ATAD2B: variants seen among roughly 807,000 people sequenced by gnomAD.
ATAD2B encodes the protein ATPase family AAA domain containing 2B, also known as ATPase family AAA domain-containing protein 2B.
A neutral mutation model predicts 167.6 loss-of-function variants in ATAD2B; 40 were observed. The ratio of observed to expected loss-of-function variants is 0.24; its 90% CI spans 0.19 to 0.31. ATAD2B has a LOEUF of 0.31. Among genes scored for constraint, ATAD2B ranks in the 10% least tolerant of loss-of-function variants. The probability of loss-of-function intolerance (pLI) is 1.00; values close to 1 mark genes in which losing one functional copy is unlikely to be tolerated. For synonymous variants in ATAD2B, 579 were observed against 596.5 expected (o/e 0.97, Z 0.43); for missense variants, 1,242 against 1,757.2 (o/e 0.71, Z 5.24).
At chr2:23,834,489 C>G (rs1689607152) in intron 13 of ATAD2B, among the ~76,000 whole-genome samples, 1 of 151,824 alleles carries the variant, frequency 6.6e-6, no homozygotes, top group African/African-American at 2.4e-5. Flanking sequence ...AACAAAATAA[C>G]TGTAGCATGA....
chr2:23,780,165 T>C (rs1292622477), intron 22 of ATAD2B, among the ~76,000 whole-genome samples: 5 of 151,968 alleles, frequency 3.3e-5, no homozygotes, highest in Non-Finnish European at 7.4e-5. Context: ...GGAGGATTGC[T>C]TGAGCCCAGG....
At chr2:23,909,763 C>T (rs888353288) in intron 1 of ATAD2B, among the ~76,000 whole-genome samples, 1 of 151,888 alleles carries the variant, frequency 6.6e-6, no homozygotes, top group Non-Finnish European at 1.5e-5. Flanking sequence ...TAAAACAAAA[C>T]AAAGTAATAC....
chr2:23,725,538 A>G, the ATAD2B span, among the ~76,000 whole-genome samples: 1 of 152,240 alleles, frequency 6.6e-6, no homozygotes, highest in African/African-American at 2.4e-5. Flanking sequence ...AGATTTCCAT[A>G]TATTACTTAA....
Position 23,758,042 on chromosome 2 carries a change from T to C in ATAD2B, c.3454A>G (p.Arg1152Gly). ...SQWGKGIIKK[R>G]KVNNLKKDEE... Reference sequence around the variant, plus strand: ...TCTTTTTTTAAATTATTAACTTTCCTTTTCTTAATAATTCCTTTACCCCAC... The same window carrying C: ...TCTTTTTTTAAATTATTAACTTTCCCTTTCTTAATAATTCCTTTACCCCAC... The change falls in exon 25 of 28, where the codon AGG becomes GGG. Residue 1152 changes from arginine to glycine, a missense_variant. By Grantham distance (125) the Arg-to-Gly change is moderately radical. Coordinates refer to ENST00000238789, the MANE Select transcript of ATAD2B (RefSeq NM_017552.4). The C allele has an allele frequency of 6.2e-7, 1 of 1,607,106 alleles. No individual in the cohort carries two copies. Among genetic ancestry groups the C allele is most frequent in the Non-Finnish European group, 8.5e-7 (1 of 1,178,488 alleles).
intron 1 of ATAD2B, among the ~76,000 whole-genome samples, chr2:23,899,804 TG>T (rs1447660265): frequency 1.3e-5 from 2 of 151,758 alleles, no homozygotes; most frequent in Non-Finnish European, 2.9e-5. Context: ...TTGGCCAGGC[TG>T]GTCTTGAACT....
At chr2:23,791,857 T>C (rs1161369261) in intron 19 of ATAD2B, among the ~76,000 whole-genome samples, 1 of 152,218 alleles carries the variant, frequency 6.6e-6, no homozygotes, top group Non-Finnish European at 1.5e-5. Context: ...TGCAAATACC[T>C]GTTCAAGTCC....
chr2:23,911,222 G>GA (rs772518911), intron 1 of ATAD2B, among the ~76,000 whole-genome samples: 154 of 136,676 alleles, frequency 1.1e-3, no homozygotes, highest in East Asian at 2.9e-3. Flanking sequence ...ACTCCGTCTG[G>GA]AAAAAAAAAA....
chr2:23,780,596 T>C (rs1679873396), intron 22 of ATAD2B, among the ~76,000 whole-genome samples: 1 of 151,962 alleles, frequency 6.6e-6, no homozygotes, highest in Non-Finnish European at 1.5e-5. Flanking sequence ...TGCCTCAAAA[T>C]ACAGATACAA....
the ATAD2B span, chr2:23,695,600 A>G: frequency 2.6e-6 from 4 of 1,512,918 alleles, no homozygotes; most frequent in Non-Finnish European, 3.6e-6. The surrounding 1 kb of genome is among the most constrained non-coding windows in gnomAD (Gnocchi z 7.6). Flanking sequence ...GTCTAAGAAG[A>G]TTCTGTCTCC....
chr2:23,777,548 T>C (rs12989628), intron 22 of ATAD2B, among the ~76,000 whole-genome samples: 1 of 152,140 alleles, frequency 6.6e-6, no homozygotes, highest in East Asian at 1.9e-4. Flanking sequence ...TTTAGAAATG[T>C]ATTAAGAGCA....
chr2:23,827,808 C>T (rs1688473646), intron 15 of ATAD2B: 1 of 152,600 alleles, frequency 6.6e-6, no homozygotes, highest in Non-Finnish European at 1.5e-5. Context: ...CAGAAGATGT[C>T]GAGGTCTTTG....
intron 22 of ATAD2B, among the ~76,000 whole-genome samples, chr2:23,775,222 AT>A (rs151072060): frequency 0.051 from 7,493 of 147,118 alleles, 252 homozygotes; most frequent in Middle Eastern, 0.083. Flanking sequence ...TTTATGTTTT[AT>A]TTTTTTTTTT....
intron 1 of ATAD2B, among the ~76,000 whole-genome samples, chr2:23,918,587 T>C (rs899435149): frequency 6.6e-5 from 10 of 152,198 alleles, no homozygotes; most frequent in African/African-American, 2.2e-4. Flanking sequence ...CTATATTTCA[T>C]ATCCCTATAT....
intron 1 of ATAD2B, among the ~76,000 whole-genome samples, chr2:23,902,216 C>T (rs1408550254): frequency 6.6e-6 from 1 of 152,142 alleles, no homozygotes; most frequent in African/African-American, 2.4e-5. Context: ...TAATACAAAG[C>T]ACATCATCCT....
Position 23,926,945 on chromosome 2 carries a change from G to A in ATAD2B, c.-175C>T, listed in dbSNP as rs1446633135. On this transcript the variant is annotated 5_prime_UTR_variant, in exon 1 of 28. Coordinates refer to ENST00000238789, the MANE Select transcript of ATAD2B (RefSeq NM_017552.4). ...AGAGCCGGGCAGAGGAAGGGAAGTCGGCGTGAGCAGGCGGCGTGCGGGAAG... is the reference window on the plus strand; with the variant it reads ...AGAGCCGGGCAGAGGAAGGGAAGTCAGCGTGAGCAGGCGGCGTGCGGGAAG... The A allele has an allele frequency of 4.2e-6, 3 of 711,338 alleles. No homozygotes were observed. Among genetic ancestry groups the A allele is most frequent in the Admixed American group, 3.8e-5 (1 of 26,364 alleles). The allele number at this position is 711,338 out of a possible 1,614,324, so 44.1% of individuals were successfully genotyped here.
chr2:23,712,713 G>A, the ATAD2B span, among the ~76,000 whole-genome samples: 1 of 152,134 alleles, frequency 6.6e-6, no homozygotes, highest in South Asian at 2.1e-4. Context: ...TTCACATGAT[G>A]GTAAAAAAAC....
rs1482006516 is a variant in ATAD2B at position 23,895,970 on chromosome 2, T to C, written c.217A>G (p.Lys73Glu). 1 of 1,610,036 alleles carries C rather than the reference T, an allele frequency of 6.2e-7. No homozygotes were observed. The highest frequency in any genetic ancestry group is 1.1e-5 in the South Asian group (1 of 90,764). ...GAGVTLDEARKVEVDGSLSDS... is the reference protein window; with the variant it reads ...GAGVTLDEAREVEVDGSLSDS... ...CTTAAACTACCATCAACTTCAACTT[T>C]CTGAAAGACAATGTTAAAAATGTAT... Residue 73 changes from lysine (K) to glutamate (E), a missense_variant and splice_region_variant, in exon 2 of 28, where the codon AAA becomes GAA. Lys to Glu is a moderately conservative substitution (Grantham distance 56). This residue lies in a region of ATAD2B where 199 missense variants were observed against 194.9 expected (regional missense o/e 1.02). Transcript: ENST00000238789.
intron 1 of ATAD2B, among the ~76,000 whole-genome samples, chr2:23,914,265 A>G (rs1702708121): frequency 6.6e-6 from 1 of 151,108 alleles, no homozygotes; most frequent in Non-Finnish European, 1.5e-5. Context: ...TAAATAGTAA[A>G]ACTATATGTG....
chr2:23,919,723 ATCCCAGC>A (rs1296493083), intron 1 of ATAD2B, among the ~76,000 whole-genome samples: 1 of 151,930 alleles, frequency 6.6e-6, no homozygotes, highest in African/African-American at 2.4e-5. Flanking sequence ...CATGTCTGTA[ATCCCAGC>A]TGCTCAGGAG....
Sources: allele counts gnomAD v4.1 joint callset (sites outside exome capture counted in the v4.1 genomes callset), GRCh38; gene constraint gnomAD v4.1.1; regional missense constraint gnomAD v4.1.1; non-coding constraint Gnocchi (gnomAD v3.1); transcripts MANE v1.5; gene names NCBI Gene and HGNC (gene_info 2026-07-23, HGNC 2026-07-21).